PRKN: variants seen among roughly 807,000 people sequenced by gnomAD.
PRKN encodes the protein parkin RBR E3 ubiquitin protein ligase, also known as E3 ubiquitin-protein ligase parkin.
PRKN carries 56 observed loss-of-function variants against 59.5 expected under a neutral mutation model. That is an observed-to-expected ratio of 0.94 (90% CI 0.76 to 1.18). The LOEUF (loss-of-function observed/expected upper bound fraction) is 1.18. PRKN is among the 50% of genes most tolerant of loss of function. The pLI, the probability that PRKN is intolerant of heterozygous loss-of-function variation, is 0.00. For missense variants in PRKN, 657 were observed against 596.4 expected, an observed-to-expected ratio of 1.10 and a Z score of -1.06; for synonymous variants, 250 against 222.1, an observed-to-expected ratio of 1.13 and a Z score of -1.12.
chr6:161,995,246 C>T (rs1781797815), intron 5 of PRKN, among the ~76,000 whole-genome samples: 1 of 152,132 alleles, frequency 6.6e-6, no homozygotes, highest in Middle Eastern at 3.4e-3. Context: ...TGAAACTAGA[C>T]CCTTATCTCT....
intron 5 of PRKN, among the ~76,000 whole-genome samples, chr6:161,991,472 CATT>C (rs1381615422): frequency 2.0e-5 from 3 of 152,200 alleles, no homozygotes; most frequent in African/African-American, 7.2e-5. Context: ...AGTCTTTACT[CATT>C]AATAATAACT....
At chr6:161,364,685 G>A (rs2114873085) in intron 10 of PRKN, among the ~76,000 whole-genome samples, 1 of 151,662 alleles carries the variant, frequency 6.6e-6, no homozygotes, top group South Asian at 2.1e-4. Flanking sequence ...GGTGGCTCAC[G>A]CCTGTAATCC....
chr6:161,636,673 C>T (rs1246752844), intron 7 of PRKN, among the ~76,000 whole-genome samples: 1 of 152,120 alleles, frequency 6.6e-6, no homozygotes, highest in African/African-American at 2.4e-5. Flanking sequence ...GCAGGATGAT[C>T]GCTTGAGGCA....
intron 9 of PRKN, among the ~76,000 whole-genome samples, chr6:161,537,488 G>T (rs1461523040): frequency 1.4e-5 from 2 of 142,672 alleles, no homozygotes; most frequent in Non-Finnish European, 1.5e-5. Context: ...TTCTTGCTCT[G>T]TCGCCCAGGC....
At chr6:162,024,388 G>A (rs2128277025) in intron 5 of PRKN, among the ~76,000 whole-genome samples, 1 of 151,982 alleles carries the variant, frequency 6.6e-6, no homozygotes, top group East Asian at 1.9e-4. Flanking sequence ...GTAGAGACAG[G>A]GTTTTGCTAT....
intron 6 of PRKN, among the ~76,000 whole-genome samples, chr6:161,788,086 T>C (rs1402931545): frequency 1.3e-5 from 2 of 152,190 alleles, no homozygotes; most frequent in Admixed American, 6.5e-5. Context: ...CAGTGTAGCT[T>C]CTGCAGGCTT....
At chr6:162,290,469 T>G (rs1781380664) in intron 2 of PRKN, among the ~76,000 whole-genome samples, 1 of 152,180 alleles carries the variant, frequency 6.6e-6, no homozygotes, top group Admixed American at 6.6e-5. Context: ...ACATCATAAT[T>G]TATTCCTTGT....
intron 1 of PRKN, among the ~76,000 whole-genome samples, chr6:162,481,114 C>A (rs772454770): frequency 6.6e-6 from 1 of 152,150 alleles, no homozygotes; most frequent in Non-Finnish European, 1.5e-5. Flanking sequence ...TGAGCCACTG[C>A]GCCTGGCCTA....
At chr6:162,221,544 A>G (rs1414404507) in intron 3 of PRKN, among the ~76,000 whole-genome samples, 1 of 152,196 alleles carries the variant, frequency 6.6e-6, no homozygotes, top group Non-Finnish European at 1.5e-5. Context: ...GAACATTCCC[A>G]TTGATGCCAC....
At chr6:161,770,452 CTTTA>C (rs36204395) in intron 7 of PRKN, among the ~76,000 whole-genome samples, 152 of 151,026 alleles carry the variant, frequency 1.0e-3, no homozygotes, top group Admixed American at 1.8e-3. Flanking sequence ...GCAATAGAGC[CTTTA>C]TTTATTTATT....
chr6:161,444,246 C>A lies in PRKN; in HGVS notation c.1084-57369G>T, dbSNP rs1411150714. 6.6e-6 allele frequency among the ~76,000 whole-genome samples: 1 copy of A among 152,168 alleles called. No homozygotes were observed. Among genetic ancestry groups the A allele is most frequent in the African/African-American group, 2.4e-5 (1 of 41,454 alleles). On this transcript the variant is annotated intron_variant, in intron 9 of 11. Coordinates refer to ENST00000366898, the MANE Select transcript of PRKN (RefSeq NM_004562.3). This position sits in a 1 kb window ranked among gnomAD's most constrained non-coding sequence, Gnocchi z 5.6. ...TGAGCTTCCTAAGGAAATCCTCTTG[C>A]CTGGAAGAGGCTCCCAATCATCTGT... is the stretch of plus-strand genomic sequence containing the variant.
chr6:161,999,921 GA>G (rs968838023), intron 5 of PRKN, among the ~76,000 whole-genome samples: 51 of 152,162 alleles, frequency 3.4e-4, no homozygotes, highest in African/African-American at 1.1e-3. Context: ...ATATTTCAAA[GA>G]AATACTAATA....
intron 6 of PRKN, among the ~76,000 whole-genome samples, chr6:161,968,793 A>G (rs1780685572): frequency 6.6e-6 from 1 of 152,176 alleles, no homozygotes; most frequent in Non-Finnish European, 1.5e-5. Flanking sequence ...AATAAAGACC[A>G]AAGCAACATA....
intron 2 of PRKN, among the ~76,000 whole-genome samples, chr6:162,327,795 C>G (rs1359932879): frequency 6.6e-6 from 1 of 152,062 alleles, no homozygotes; most frequent in Non-Finnish European, 1.5e-5. Context: ...GGAAGTGTTT[C>G]CTGTCAAGGA....
chr6:162,516,316 C>T (rs1239095938), intron 1 of PRKN, among the ~76,000 whole-genome samples: 3 of 152,138 alleles, frequency 2.0e-5, no homozygotes, highest in South Asian at 4.1e-4. Context: ...TGCTGTGGCC[C>T]CAGATGTTGC....
At chr6:162,331,243 C>T (rs571979867) in intron 2 of PRKN, among the ~76,000 whole-genome samples, 1 of 151,912 alleles carries the variant, frequency 6.6e-6, no homozygotes, top group Admixed American at 6.6e-5. Context: ...ATAATTCAAT[C>T]GCTCCCAACC....
intron 9 of PRKN, among the ~76,000 whole-genome samples, chr6:161,394,738 C>A (rs1361833757): frequency 6.6e-6 from 1 of 152,108 alleles, no homozygotes; most frequent in East Asian, 1.9e-4. Context: ...GGAGAAAAGA[C>A]CCACTGAGCT....
Position 161,757,833 on chromosome 6 carries a change from ATCTCTC to A in PRKN, c.871+27933_871+27938del, listed in dbSNP as rs748787015. Among the ~76,000 whole-genome samples the A allele has an allele frequency of 4.0e-3, 151 of 37,626 alleles. 2 individuals carry two copies. Among genetic ancestry groups the A allele is most frequent in the South Asian group, 0.011 (16 of 1,478 alleles). The allele number at this position is 37,626 out of a possible 152,430, so 24.7% of individuals were successfully genotyped here. On this transcript the variant is annotated intron_variant, in intron 7 of 11. Transcript: ENST00000366898. Reference sequence around the variant, plus strand: ...AGCCTGGGCAATAGAGCAAAACTCCATCTCTCTCTCTCTCTCTCTCTCTCTCTCTCT... The same window carrying A: ...AGCCTGGGCAATAGAGCAAAACTCCATCTCTCTCTCTCTCTCTCTCTCTCT...
At chr6:162,099,912 A>T (rs992977638) in intron 4 of PRKN, among the ~76,000 whole-genome samples, 1 of 151,858 alleles carries the variant, frequency 6.6e-6, no homozygotes, top group Non-Finnish European at 1.5e-5. Context: ...TGTGACCAAC[A>T]CCTCCCCGCC....
Sources: allele counts gnomAD v4.1 joint callset (sites outside exome capture counted in the v4.1 genomes callset), GRCh38; gene constraint gnomAD v4.1.1; non-coding constraint Gnocchi (gnomAD v3.1); transcripts MANE v1.5; gene names NCBI Gene and HGNC (gene_info 2026-07-23, HGNC 2026-07-21).